The following SPAG17 variants were observed in gnomAD, a reference collection of about 807,000 sequenced individuals.
SPAG17 encodes the protein sperm associated antigen 17.
SPAG17 carries 169 observed loss-of-function variants against 273.6 expected under a neutral mutation model. The ratio of observed to expected loss-of-function variants is 0.62; its 90% CI spans 0.55 to 0.70. The LOEUF is 0.70. SPAG17 is among the 30% of genes least tolerant of loss of function. The pLI, the probability that SPAG17 is intolerant of heterozygous loss-of-function variation, is 0.00. For synonymous variants in SPAG17, 825 were observed against 873.2 expected (o/e 0.94, Z 0.97); for missense variants, 2,557 against 2,627.8 (o/e 0.97, Z 0.59).
intron 3 of SPAG17, among the ~76,000 whole-genome samples, chr1:118,126,350 C>T (rs1207969066): frequency 4.7e-5 from 7 of 150,480 alleles, no homozygotes; most frequent in South Asian, 4.2e-4. Flanking sequence ...GAACTACAGG[C>T]GCCCGCCACT....
rs559382944 is a variant in SPAG17 at position 118,132,385 on chromosome 1, G to A, written c.316-16944C>T. On this transcript the variant is annotated intron_variant, in intron 3 of 48. Coordinates refer to ENST00000336338, the MANE Select transcript of SPAG17 (RefSeq NM_206996.4). ...GGAAAGTGGCTGTGGGTGCCGGGTT[G>A]GGCTGGGGGATGAGGTTGATACTGG... Among the ~76,000 whole-genome samples, 3 of 152,308 alleles carry A rather than the reference G, an allele frequency of 2.0e-5. No homozygotes were observed. In the South Asian group the frequency reaches 6.2e-4, roughly 32 times the overall value.
At chr1:117,966,453 C>A in intron 47 of SPAG17, 156 bp downstream of exon 47, 1 of 717,394 alleles carries the variant, frequency 1.4e-6, no homozygotes, top group South Asian at 3.3e-5. Context: ...TAGGTGCTTT[C>A]AAAGATGAAT....
intron 3 of SPAG17, among the ~76,000 whole-genome samples, chr1:118,135,234 G>A (rs933109205): frequency 3.9e-5 from 6 of 152,168 alleles, no homozygotes; most frequent in Non-Finnish European, 7.3e-5. Context: ...TGAAAGGCCA[G>A]GAAAGCAAGC....
intron 20 of SPAG17, among the ~76,000 whole-genome samples, chr1:118,051,295 A>C (rs1650975399): frequency 6.6e-6 from 1 of 152,122 alleles, no homozygotes. Flanking sequence ...TGATGATGGG[A>C]ATATAAATTA....
At chr1:118,030,195 GTA>G (rs1194606916) in intron 25 of SPAG17, among the ~76,000 whole-genome samples, 3 of 151,972 alleles carry the variant, frequency 2.0e-5, no homozygotes, top group Non-Finnish European at 4.4e-5. Flanking sequence ...ATTTTATCTA[GTA>G]TAACTATGTA....
intron 6 of SPAG17, 136 bp downstream of exon 6, chr1:118,099,469 AT>A: frequency 1.1e-6 from 1 of 930,328 alleles, no homozygotes; most frequent in Non-Finnish European, 1.7e-6. Flanking sequence ...AGCAGAGTAA[AT>A]GGCAAATCAA....
intron 3 of SPAG17, among the ~76,000 whole-genome samples, chr1:118,120,759 C>T (rs995634642): frequency 6.6e-6 from 1 of 152,146 alleles, no homozygotes; most frequent in African/African-American, 2.4e-5. Flanking sequence ...TTTAAAATCC[C>T]TCTGTTACAC....
At chr1:118,169,847 C>T (rs565463649) in intron 1 of SPAG17, among the ~76,000 whole-genome samples, 1 of 152,148 alleles carries the variant, frequency 6.6e-6, no homozygotes, top group South Asian at 2.1e-4. Flanking sequence ...AAGTTAAGCA[C>T]AACTCAGCTA....
At position 117,963,795 on chromosome 1, in the gene SPAG17, G is replaced by A. The variant is rs1416164302; in HGVS notation, c.*4C>T. 31 of 1,608,780 alleles carry A rather than the reference G, an allele frequency of 1.9e-5. No homozygotes were observed. The highest frequency in any genetic ancestry group is 2.5e-5 in the Non-Finnish European group (30 of 1,176,898). ...ATCAAATTCCCATTTATTACTTACTGTACCTAATGTGGAGAAACTTTACGA... is the reference window on the plus strand; with the variant it reads ...ATCAAATTCCCATTTATTACTTACTATACCTAATGTGGAGAAACTTTACGA... On this transcript the variant is annotated splice_donor_region_variant and intron_variant, in intron 48 of 48. Transcript: ENST00000336338.
At chr1:118,172,576 T>A (rs1205972033) in intron 1 of SPAG17, among the ~76,000 whole-genome samples, 1 of 152,188 alleles carries the variant, frequency 6.6e-6, no homozygotes, top group Non-Finnish European at 1.5e-5. Context: ...TATAAAAGTA[T>A]TTAATGATTA....
At chr1:118,004,338 C>A (rs537028840) in intron 32 of SPAG17, among the ~76,000 whole-genome samples, 7 of 152,216 alleles carry the variant, frequency 4.6e-5, no homozygotes, top group Non-Finnish European at 4.4e-5. Context: ...AGAACCACTG[C>A]TCTCTTCAGA....
intron 25 of SPAG17, among the ~76,000 whole-genome samples, chr1:118,028,796 A>G (rs1648082719): frequency 6.6e-6 from 1 of 152,158 alleles, no homozygotes; most frequent in East Asian, 1.9e-4. Flanking sequence ...GGAACCTAAT[A>G]ACCAATGTGA....
intron 7 of SPAG17, among the ~76,000 whole-genome samples, chr1:118,094,137 A>G (rs1032165759): frequency 1.3e-5 from 2 of 152,190 alleles, no homozygotes; most frequent in African/African-American, 2.4e-5. Flanking sequence ...ACTATGGTGC[A>G]CCTGGTTGCT....
intron 20 of SPAG17, among the ~76,000 whole-genome samples, chr1:118,049,125 A>T (rs1368281886): frequency 1.3e-5 from 2 of 152,208 alleles, no homozygotes; most frequent in Non-Finnish European, 2.9e-5. Context: ...TGACGGCTTT[A>T]CTAATGAATT....
chr1:117,995,544 A>C (rs1049430485), intron 34 of SPAG17, among the ~76,000 whole-genome samples: 7 of 152,018 alleles, frequency 4.6e-5, no homozygotes, highest in Non-Finnish European at 8.8e-5. Flanking sequence ...GGTCAGTCAG[A>C]GTCCCCCATA....
intron 44 of SPAG17, 149 bp downstream of exon 44, chr1:117,973,276 A>G: frequency 1.1e-6 from 1 of 898,084 alleles, no homozygotes; most frequent in South Asian, 2.0e-5. Context: ...TACGGTCAAT[A>G]GCAGTACACA....
chr1:117,960,960 G>C (rs1652999010), intron 48 of SPAG17: 1 of 152,002 alleles, frequency 6.6e-6, no homozygotes, highest in Non-Finnish European at 1.5e-5. Context: ...CATTGTTTCA[G>C]ATCTCCAAAA....
At chr1:117,988,068 C>T in intron 39 of SPAG17, 37 bp downstream of exon 39, 1 of 1,545,062 alleles carries the variant, frequency 6.5e-7, no homozygotes, top group Non-Finnish European at 8.8e-7. Context: ...CACTGCATAC[C>T]TAATACTAAT....
intron 4 of SPAG17, among the ~76,000 whole-genome samples, chr1:118,108,494 T>C (rs1257479381): frequency 1.3e-5 from 2 of 152,204 alleles, no homozygotes; most frequent in East Asian, 1.9e-4. Context: ...ATACAAACTC[T>C]TTCTCTGGCC....
Sources: gnomAD v4.1 joint callset for allele counts (sites outside exome capture counted in the v4.1 genomes callset) on GRCh38, gnomAD v4.1.1 for gene constraint, MANE v1.5 for transcripts, NCBI Gene and HGNC (gene_info 2026-07-23, HGNC 2026-07-21) for gene names.